Variants in DKK3 observed in about 807,000 individuals in gnomAD.
DKK3 encodes the protein dickkopf-related protein 3.
In DKK3, 22 loss-of-function variants were observed where a neutral mutation model predicts 33.2. That is an observed-to-expected ratio of 0.66 (90% CI 0.47 to 0.95). The LOEUF is 0.95. Ranked by LOEUF, DKK3 falls within the 40% of genes least tolerant of loss-of-function variation. The pLI, the probability that DKK3 is intolerant of heterozygous loss-of-function variation, is 0.00. For synonymous variants in DKK3, 194 were observed against 188.8 expected, an observed-to-expected ratio of 1.03 and a Z score of -0.23; for missense variants, 398 against 458.4, an observed-to-expected ratio of 0.87 and a Z score of 1.20.
intron 3 of DKK3, among the ~76,000 whole-genome samples, chr11:11,974,636 C>T (rs752877737): frequency 1.3e-5 from 2 of 152,192 alleles, no homozygotes; most frequent in Non-Finnish European, 2.9e-5. Flanking sequence ...GGTCTCACCT[C>T]TTAATACTGT....
chr11:12,008,996 T>A (rs1323227458), upstream of DKK3: 1 of 995,104 alleles, frequency 1.0e-6, no homozygotes, highest in Non-Finnish European at 1.2e-6. This position sits in a 1 kb window ranked among gnomAD's most constrained non-coding sequence, Gnocchi z 4.6. Context: ...CAGGTCAGAG[T>A]GCCCGACCCC....
At chr11:11,998,445 G>A in intron 3 of DKK3, 1 of 580,932 alleles carries the variant, frequency 1.7e-6, no homozygotes, top group East Asian at 2.9e-5. Context: ...TCAAAGCTGA[G>A]ATGGGCCATG....
chr11:11,995,509 C>T (rs185880737), intron 3 of DKK3, among the ~76,000 whole-genome samples: 6 of 152,248 alleles, frequency 3.9e-5, no homozygotes, highest in East Asian at 1.9e-4. Flanking sequence ...AATGTGAAAC[C>T]GGAAAGACAA....
intron 2 of DKK3, chr11:12,001,802 C>T (rs919498772): frequency 6.6e-6 from 1 of 152,184 alleles, no homozygotes; most frequent in Non-Finnish European, 1.5e-5. Flanking sequence ...GCACAACCAG[C>T]AAATGAATGT....
intron 1 of DKK3, among the ~76,000 whole-genome samples, chr11:12,003,436 T>G (rs531740295): frequency 1.9e-4 from 29 of 152,216 alleles, no homozygotes; most frequent in Non-Finnish European, 3.7e-4. Flanking sequence ...CTGTGGCCGC[T>G]GTCCTCAAAT....
At chr11:12,008,676 C>G (rs1247025871), upstream of DKK3, 2 of 1,228,790 alleles carry the variant, frequency 1.6e-6, no homozygotes, top group Non-Finnish European at 2.0e-6. The surrounding 1 kb of genome is among the most constrained non-coding windows in gnomAD (Gnocchi z 4.6). Context: ...CGCCCCGCCC[C>G]GTTCCGCCCC....
At chr11:11,970,260 T>C (rs1413678793) in intron 3 of DKK3, among the ~76,000 whole-genome samples, 1 of 151,998 alleles carries the variant, frequency 6.6e-6, no homozygotes, top group Non-Finnish European at 1.5e-5. Context: ...CTTAAGAAAT[T>C]CGTAATTCAA....
intron 3 of DKK3, among the ~76,000 whole-genome samples, chr11:11,969,972 C>T (rs1847689468): frequency 6.6e-6 from 1 of 152,206 alleles, no homozygotes; most frequent in Non-Finnish European, 1.5e-5. Flanking sequence ...TGAGTCTGAG[C>T]CAGAGCCCCA....
At chr11:11,971,597 C>A (rs912036953) in intron 3 of DKK3, among the ~76,000 whole-genome samples, 2 of 152,156 alleles carry the variant, frequency 1.3e-5, no homozygotes, top group Non-Finnish European at 2.9e-5. Context: ...TTCTCATTCC[C>A]CCGAAAGGCC....
chr11:11,971,360 G>T (rs116329563), intron 3 of DKK3, among the ~76,000 whole-genome samples: 90 of 152,262 alleles, frequency 5.9e-4, no homozygotes, highest in African/African-American at 2.1e-3. Context: ...CAAAAGCAGG[G>T]AAATTTTGAA....
intron 1 of DKK3, among the ~76,000 whole-genome samples, chr11:12,006,667 TGGA>T (rs755712082): frequency 2.6e-5 from 4 of 152,186 alleles, no homozygotes; most frequent in Non-Finnish European, 5.9e-5. Context: ...ATAACGCCCA[TGGA>T]GAAGACCCCG....
At chr11:12,009,516 G>A (rs973481506), upstream of DKK3, 4 of 942,898 alleles carry the variant, frequency 4.2e-6, no homozygotes, top group Non-Finnish European at 5.1e-6. Flanking sequence ...CTCTACCGAA[G>A]GCAGCCATCT....
intron 3 of DKK3, among the ~76,000 whole-genome samples, chr11:11,969,909 G>T (rs114947228): frequency 0.025 from 3,852 of 152,290 alleles, 146 homozygotes; most frequent in African/African-American, 0.088. Context: ...TGTTTTTACG[G>T]ATAAGAAAAC....
intron 3 of DKK3, among the ~76,000 whole-genome samples, chr11:11,970,651 C>T (rs561009295): frequency 1.1e-3 from 171 of 152,266 alleles, no homozygotes; most frequent in African/African-American, 3.9e-3. Flanking sequence ...ACCTACCTGA[C>T]GGAATCACAA....
intron 3 of DKK3, among the ~76,000 whole-genome samples, chr11:11,989,597 AT>A (rs1242071142): frequency 6.6e-6 from 1 of 152,186 alleles, no homozygotes; most frequent in African/African-American, 2.4e-5. Context: ...GGAGGGGGGC[AT>A]TGTTTAATGG....
intron 1 of DKK3, among the ~76,000 whole-genome samples, chr11:12,007,187 A>G (rs1848554121): frequency 6.6e-6 from 1 of 152,234 alleles, no homozygotes; most frequent in Non-Finnish European, 1.5e-5. Context: ...CCAAACTACA[A>G]AGGGCTGCGG....
At chr11:11,983,025 G>A (rs1019340048) in intron 3 of DKK3, among the ~76,000 whole-genome samples, 23 of 152,300 alleles carry the variant, frequency 1.5e-4, no homozygotes, top group Admixed American at 6.5e-4. Flanking sequence ...GCATGCTTCT[G>A]TTTTTCAGTA....
chr11:11,979,632 C>T (rs1329584122), intron 3 of DKK3: 2 of 152,486 alleles, frequency 1.3e-5, no homozygotes, highest in Non-Finnish European at 2.9e-5. Flanking sequence ...GGGGTTTCCT[C>T]ACAGGCAGAG....
chr11:11,973,288 C>A (rs1564909465), intron 3 of DKK3, among the ~76,000 whole-genome samples: 1 of 152,238 alleles, frequency 6.6e-6, no homozygotes, highest in Non-Finnish European at 1.5e-5. Flanking sequence ...CTGGAGCCGA[C>A]AGACACTTTT....
Sources: gnomAD v4.1 joint callset for allele counts (sites outside exome capture counted in the v4.1 genomes callset) on GRCh38, gnomAD v4.1.1 for gene constraint, Gnocchi (gnomAD v3.1) non-coding constraint, MANE v1.5 for transcripts, NCBI Gene and HGNC (gene_info 2026-07-23, HGNC 2026-07-21) for gene names.